The following GABBR2 variants were observed in gnomAD, a reference collection of about 807,000 sequenced individuals.
GABBR2 encodes the protein G-protein coupled receptor 51.
Under a neutral mutation model 105.6 loss-of-function variants are expected in GABBR2, and 23 were observed. The ratio of observed to expected loss-of-function variants is 0.22; its 90% CI spans 0.16 to 0.31. The LOEUF (loss-of-function observed/expected upper bound fraction) is 0.31. Ranked by LOEUF, GABBR2 falls within the 10% of genes least tolerant of loss-of-function variation. The probability of loss-of-function intolerance (pLI) is 1.00; values close to 1 mark genes in which losing one functional copy is unlikely to be tolerated. For synonymous variants in GABBR2, 478 were observed against 499.7 expected (o/e 0.96, Z 0.58); for missense variants, 734 against 1,245.5 (o/e 0.59, Z 6.18).
intron 2 of GABBR2, among the ~76,000 whole-genome samples, chr9:98,565,418 G>C (rs1283435380): frequency 6.6e-6 from 1 of 152,292 alleles, no homozygotes; most frequent in Non-Finnish European, 1.5e-5. Context: ...CCAGGCTTAA[G>C]GCAGGCACTG....
At chr9:98,462,828 T>C (rs764611205) in intron 6 of GABBR2, among the ~76,000 whole-genome samples, 1 of 152,220 alleles carries the variant, frequency 6.6e-6, no homozygotes, top group Non-Finnish European at 1.5e-5. Flanking sequence ...TGTGCACATA[T>C]GTTCACCAAA....
intron 4 of GABBR2, among the ~76,000 whole-genome samples, chr9:98,493,620 T>C (rs111250343): frequency 8.5e-5 from 13 of 152,356 alleles, no homozygotes; most frequent in African/African-American, 3.1e-4. Context: ...ACTCCAGTTC[T>C]ACTATTTGAT....
At chr9:98,481,586 C>T (rs998263268) in intron 4 of GABBR2, among the ~76,000 whole-genome samples, 5 of 152,228 alleles carry the variant, frequency 3.3e-5, no homozygotes, top group African/African-American at 4.8e-5. Context: ...GAGCTTTGTT[C>T]GCATCTCAGC....
At chr9:98,316,371 C>T (rs1023869990) in intron 13 of GABBR2, among the ~76,000 whole-genome samples, 5 of 152,136 alleles carry the variant, frequency 3.3e-5, no homozygotes, top group South Asian at 2.1e-4. Context: ...AGACTGGTCT[C>T]GAACTCCCAA....
At chr9:98,380,653 T>C (rs1170366256) in intron 11 of GABBR2, among the ~76,000 whole-genome samples, 1 of 152,224 alleles carries the variant, frequency 6.6e-6, no homozygotes, top group Non-Finnish European at 1.5e-5. Context: ...TAGCTGGAGC[T>C]GTTCTCAAGA....
rs1482793398 is a variant in GABBR2 at position 98,388,228 on chromosome 9, A to G, written c.1529+626T>C. ...GGGCACGTGGTGGGGAAAAGAAATT[A>G]AGACAAGAAACCAAGAAGACAGTCT... is the stretch of plus-strand genomic sequence containing the variant. On this transcript the variant is annotated intron_variant, in intron 10 of 18. Transcript: ENST00000259455. The surrounding 1 kb of genome is among the most constrained non-coding windows in gnomAD (Gnocchi z 4.4). Among the ~76,000 whole-genome samples the G allele has an allele frequency of 1.3e-5, 2 of 152,222 alleles. No individual in the cohort carries two copies. Among genetic ancestry groups the G allele is most frequent in the Non-Finnish European group, 2.9e-5 (2 of 68,040 alleles).
intron 1 of GABBR2, among the ~76,000 whole-genome samples, chr9:98,626,867 T>A (rs572793716): frequency 1.8e-3 from 276 of 152,274 alleles, no homozygotes; most frequent in African/African-American, 6.3e-3. Context: ...GAACTTCTCT[T>A]CCAGATGCTC....
chr9:98,293,902 T>C lies in GABBR2; in HGVS notation c.2543A>G (p.Asp848Gly). 6.4e-7 allele frequency: 1 copy of C among 1,567,626 alleles called. No homozygotes were observed. Among genetic ancestry groups the C allele is most frequent in the South Asian group, 1.1e-5 (1 of 89,968 alleles). The change falls in exon 18 of 19, where the codon GAT (aspartate) becomes GGT (glycine). Residue 848 changes from aspartate to glycine, a missense_variant and splice_region_variant. This residue lies in a region of GABBR2 where 134 missense variants were observed against 171.2 expected (regional missense o/e 0.78). Coordinates refer to ENST00000259455, the MANE Select transcript of GABBR2 (RefSeq NM_005458.8). Reference protein sequence around the residue: ...LNLGNFTESTDGGKAILKNHL... With the variant: ...LNLGNFTESTGGGKAILKNHL... ...ATTTTTTAAAATGGCCTTTCCTCCA[T>C]CTGAATGCAAAACAACAATACCACA...
intron 7 of GABBR2, among the ~76,000 whole-genome samples, chr9:98,438,851 A>T (rs1825980047): frequency 6.6e-6 from 1 of 152,192 alleles, no homozygotes; most frequent in East Asian, 1.9e-4. Flanking sequence ...CAAGCTGGCC[A>T]AGAAAATCAA....
chr9:98,415,892 T>C (rs1266489359), intron 7 of GABBR2, among the ~76,000 whole-genome samples: 2 of 152,150 alleles, frequency 1.3e-5, no homozygotes, highest in African/African-American at 4.8e-5. Flanking sequence ...GAAGGAGTCA[T>C]TGATCAGAAA....
intron 1 of GABBR2, among the ~76,000 whole-genome samples, chr9:98,618,529 T>G (rs1829622705): frequency 6.6e-6 from 1 of 151,448 alleles, no homozygotes; most frequent in Admixed American, 6.6e-5. Context: ...TCTGTCTCTC[T>G]GACTCTTTCT....
At chr9:98,347,193 C>T (rs1831316980) in intron 13 of GABBR2, among the ~76,000 whole-genome samples, 1 of 152,204 alleles carries the variant, frequency 6.6e-6, no homozygotes, top group African/African-American at 2.4e-5. Flanking sequence ...TACATTCCCA[C>T]CAACAGTGTA....
At chr9:98,440,268 C>G (rs1002575731) in intron 7 of GABBR2, among the ~76,000 whole-genome samples, 17 of 152,204 alleles carry the variant, frequency 1.1e-4, no homozygotes, top group African/African-American at 3.1e-4. Flanking sequence ...CTCTGACAAA[C>G]CTTCTGCAAA....
intron 1 of GABBR2, among the ~76,000 whole-genome samples, chr9:98,631,514 G>A (rs1022302665): frequency 6.6e-6 from 1 of 152,184 alleles, no homozygotes; most frequent in Non-Finnish European, 1.5e-5. Context: ...TGCCCTCACA[G>A]AGCTTACATT....
At chr9:98,627,799 C>T (rs1271439919) in intron 1 of GABBR2, among the ~76,000 whole-genome samples, 2 of 152,198 alleles carry the variant, frequency 1.3e-5, no homozygotes, top group Non-Finnish European at 2.9e-5. Context: ...GGAAGGGGCC[C>T]CAGAGGCCAT....
intron 1 of GABBR2, among the ~76,000 whole-genome samples, chr9:98,618,144 A>G (rs1040731409): frequency 6.6e-6 from 1 of 152,210 alleles, no homozygotes; most frequent in Non-Finnish European, 1.5e-5. Flanking sequence ...TGTCAGGCTC[A>G]GGGCTAACCG....
At chr9:98,663,056 G>A (rs935194793) in intron 1 of GABBR2, among the ~76,000 whole-genome samples, 7 of 152,194 alleles carry the variant, frequency 4.6e-5, no homozygotes, top group African/African-American at 1.7e-4. Flanking sequence ...CCATGATACA[G>A]AATATAATGC....
intron 1 of GABBR2, among the ~76,000 whole-genome samples, chr9:98,636,739 C>A (rs1354105043): frequency 6.6e-6 from 1 of 151,966 alleles, no homozygotes; most frequent in Non-Finnish European, 1.5e-5. Context: ...GGCAATCTGC[C>A]CACCTCAGCC....
At chr9:98,669,280 G>A (rs1220523013) in intron 1 of GABBR2, among the ~76,000 whole-genome samples, 1 of 151,996 alleles carries the variant, frequency 6.6e-6, no homozygotes, top group Non-Finnish European at 1.5e-5. Flanking sequence ...GGTGACTCGT[G>A]GTTTTGATTT....
Sources: allele counts gnomAD v4.1 joint callset (sites outside exome capture counted in the v4.1 genomes callset), GRCh38; gene constraint gnomAD v4.1.1; regional missense constraint gnomAD v4.1.1; non-coding constraint Gnocchi (gnomAD v3.1); transcripts MANE v1.5; gene names NCBI Gene and HGNC (gene_info 2026-07-23, HGNC 2026-07-21).